MTA3: variants seen among roughly 807,000 people sequenced by gnomAD.
MTA3 encodes metastasis associated 1 family member 3.
MTA3 carries 34 observed loss-of-function variants against 83.5 expected under a neutral mutation model. That is an observed-to-expected ratio of 0.41 (90% CI 0.31 to 0.54). MTA3 has a LOEUF of 0.54. Among genes scored for constraint, MTA3 ranks in the 20% least tolerant of loss-of-function variants. MTA3 has a pLI of 0.33. For synonymous variants in MTA3, 303 were observed against 252.7 expected (o/e 1.20, Z -1.89); for missense variants, 761 against 726.4 (o/e 1.05, Z -0.55).
intron 15 of MTA3, among the ~76,000 whole-genome samples, chr2:42,720,358 T>G (rs1405041973): frequency 1.3e-5 from 2 of 152,030 alleles, no homozygotes; most frequent in African/African-American, 2.4e-5. Context: ...AATTTTTGTA[T>G]TTTTAGTAGA....
At chr2:42,555,932 CATG>C (rs1192784405) in intron 2 of MTA3, among the ~76,000 whole-genome samples, 1 of 146,276 alleles carries the variant, frequency 6.8e-6, no homozygotes, top group African/African-American at 2.6e-5. Context: ...AGTAGCCAGA[CATG>C]GTGGTGGGCG....
chr2:42,551,706 A>G (rs575227372), intron 2 of MTA3, among the ~76,000 whole-genome samples: 3 of 152,126 alleles, frequency 2.0e-5, no homozygotes, highest in African/African-American at 7.2e-5. Flanking sequence ...ACAATGTTAA[A>G]TAGGATGGGA....
At chr2:42,658,779 A>G (rs1689407847) in intron 7 of MTA3, among the ~76,000 whole-genome samples, 1 of 151,990 alleles carries the variant, frequency 6.6e-6, no homozygotes, top group Non-Finnish European at 1.5e-5. Flanking sequence ...TATTTATAAA[A>G]TTTCTTCCTT....
chr2:42,738,774 G>A (rs895145028), intron 16 of MTA3, among the ~76,000 whole-genome samples: 3 of 152,186 alleles, frequency 2.0e-5, no homozygotes, highest in African/African-American at 7.2e-5. Flanking sequence ...GCGCACGTAG[G>A]GGTAGCTCTC....
At chr2:42,543,384 G>T (rs1676609332) in intron 2 of MTA3, among the ~76,000 whole-genome samples, 1 of 152,018 alleles carries the variant, frequency 6.6e-6, no homozygotes, top group Non-Finnish European at 1.5e-5. Flanking sequence ...CACTATGTTG[G>T]TCAGGCTGGT....
chr2:42,522,298 C>CT (rs1477181543), intron 2 of MTA3, among the ~76,000 whole-genome samples: 1 of 152,122 alleles, frequency 6.6e-6, no homozygotes, highest in Non-Finnish European at 1.5e-5. Context: ...TGTCTAGGAC[C>CT]TGTGTCAAGG....
At chr2:42,530,751 C>T (rs1675927548) in intron 2 of MTA3, among the ~76,000 whole-genome samples, 1 of 152,178 alleles carries the variant, frequency 6.6e-6, no homozygotes, top group Non-Finnish European at 1.5e-5. Context: ...CACCGTTGCA[C>T]TCCAGCCTGG....
chr2:42,504,709 C>T (rs1299989889), intron 2 of MTA3, among the ~76,000 whole-genome samples: 1 of 151,338 alleles, frequency 6.6e-6, no homozygotes, highest in Non-Finnish European at 1.5e-5. Context: ...GTTGCCCAGG[C>T]TGGTCTTGAA....
At chr2:42,718,306 G>A (rs1260950363) in intron 14 of MTA3, among the ~76,000 whole-genome samples, 1 of 151,798 alleles carries the variant, frequency 6.6e-6, no homozygotes, top group Non-Finnish European at 1.5e-5. Context: ...GGAGTGCAAT[G>A]GCGTGATCTT....
chr2:42,587,747 G>A (rs991710908), intron 3 of MTA3, among the ~76,000 whole-genome samples: 1 of 151,922 alleles, frequency 6.6e-6, no homozygotes, highest in Admixed American at 6.6e-5. Flanking sequence ...GATCACAGGC[G>A]TGCCCCACCA....
intron 2 of MTA3, among the ~76,000 whole-genome samples, chr2:42,554,847 G>T (rs1677301279): frequency 6.6e-6 from 1 of 152,158 alleles, no homozygotes; most frequent in Non-Finnish European, 1.5e-5. Context: ...ACCAGAGGAT[G>T]GGTTCATGGC....
At chr2:42,693,537 G>T (rs1350122738) in intron 9 of MTA3, among the ~76,000 whole-genome samples, 1 of 152,178 alleles carries the variant, frequency 6.6e-6, no homozygotes, top group Non-Finnish European at 1.5e-5. Context: ...ACTATTGGGG[G>T]TGGGGGTAGT....
chr2:42,586,841 G>A (rs1680390886), intron 3 of MTA3, among the ~76,000 whole-genome samples: 1 of 152,180 alleles, frequency 6.6e-6, no homozygotes, highest in East Asian at 1.9e-4. Context: ...TGGCCAACAT[G>A]GTGAAACCCC....
chr2:42,707,488 C>T (rs887299972), intron 12 of MTA3, among the ~76,000 whole-genome samples: 1 of 152,106 alleles, frequency 6.6e-6, no homozygotes, highest in Non-Finnish European at 1.5e-5. Flanking sequence ...ACCTCATGGT[C>T]CGCCTGCCTC....
chr2:42,696,162 C>A (rs1693373540), intron 10 of MTA3, among the ~76,000 whole-genome samples: 1 of 152,126 alleles, frequency 6.6e-6, no homozygotes, highest in South Asian at 2.1e-4. Context: ...ACCTCTTGAA[C>A]AAGTTATTTT....
intron 2 of MTA3, among the ~76,000 whole-genome samples, chr2:42,524,473 T>TG (rs1491443251): frequency 2.5e-4 from 18 of 72,288 alleles, no homozygotes; most frequent in African/African-American, 7.6e-4. Context: ...GCTAGTTGTG[T>TG]TTTTTTTTTT....
rs555552860 is a variant in MTA3 at position 42,666,601 on chromosome 2, A to G, written c.702+6739A>G. ...TTTAAAACCACATCTTGGCTAATCC[A>G]TCACTTTAGGGCAGGTTGCTTTGTG... is the stretch of plus-strand genomic sequence containing the variant. On this transcript the variant is annotated intron_variant, in intron 8 of 16. Transcript: ENST00000405094. 1.3e-3 allele frequency among the ~76,000 whole-genome samples: 192 copies of G among 152,314 alleles called. 1 individual carries two copies. Among genetic ancestry groups the G allele is most frequent in the African/African-American group, 4.5e-3 (186 of 41,562 alleles).
chr2:42,662,617 G>A (rs1689825500), intron 8 of MTA3, among the ~76,000 whole-genome samples: 1 of 151,434 alleles, frequency 6.6e-6, no homozygotes, highest in Non-Finnish European at 1.5e-5. Context: ...TTTTCCCTGT[G>A]CAAGCACCAC....
At chr2:42,537,601 A>C (rs187675633) in intron 2 of MTA3, among the ~76,000 whole-genome samples, 10 of 152,192 alleles carry the variant, frequency 6.6e-5, no homozygotes, top group African/African-American at 2.4e-4. Flanking sequence ...AAAATAAAAT[A>C]GTATCAATGT....
Sources: gnomAD v4.1 joint callset for allele counts (sites outside exome capture counted in the v4.1 genomes callset) on GRCh38, gnomAD v4.1.1 for gene constraint, MANE v1.5 for transcripts, NCBI Gene and HGNC (gene_info 2026-07-23, HGNC 2026-07-21) for gene names.